The following FCRL3 variants were observed in gnomAD, a reference collection of about 807,000 sequenced individuals.
FCRL3 encodes the protein Fc receptor like 3, also known as Fc receptor-like protein 3.
A neutral mutation model predicts 75.0 loss-of-function variants in FCRL3; 89 were observed. The observed-to-expected ratio is 1.19, with a 90% confidence interval of 1.00 to 1.42. The LOEUF (loss-of-function observed/expected upper bound fraction) is 1.42, where lower values mean the gene tolerates loss of function less well. FCRL3 is among the 40% of genes most tolerant of loss of function. The probability of loss-of-function intolerance (pLI) is 0.00; values close to 1 mark genes in which losing one functional copy is unlikely to be tolerated. For missense variants in FCRL3, 946 were observed against 880.0 expected (o/e 1.07, Z -0.95); for synonymous variants, 376 against 348.5 (o/e 1.08, Z -0.88).
At chr1:157,687,390 G>T (rs1478754889) in intron 10 of FCRL3, among the ~76,000 whole-genome samples, 3 of 136,814 alleles carry the variant, frequency 2.2e-5, no homozygotes, top group African/African-American at 8.2e-5. Context: ...ATTTCTCAAA[G>T]AACTTATAAT....
At position 157,689,855 on chromosome 1, in the gene FCRL3, G is replaced by C; in HGVS notation, c.1753C>G (p.Leu585Val). ...AGAGCAGCAGCAGCAGCAAGGACGA[G>C]GATGCTGAGCACCAGCCCCGTGATT... ...AGITGLVLSILVLAAAAALLH... is the reference protein window; with the variant it reads ...AGITGLVLSIVVLAAAAALLH... Residue 585 changes from leucine (L) to valine (V), a missense_variant, in exon 10 of 15, where the codon CTC (leucine) becomes GTC (valine). Leu to Val is a conservative substitution (Grantham distance 32). Transcript: ENST00000368184. 1 of 1,614,200 alleles carries C rather than the reference G, an allele frequency of 6.2e-7. No homozygotes were observed. Among genetic ancestry groups the C allele is most frequent in the Non-Finnish European group, 8.5e-7 (1 of 1,180,028 alleles).
chr1:157,688,909 A>T (rs1411868726), intron 10 of FCRL3, among the ~76,000 whole-genome samples: 1 of 152,052 alleles, frequency 6.6e-6, no homozygotes, highest in African/African-American at 2.4e-5. Flanking sequence ...TCAATAGACT[A>T]AAAAAAATCT....
At chr1:157,681,846 T>G (rs1409151442) in intron 11 of FCRL3, among the ~76,000 whole-genome samples, 6 of 151,994 alleles carry the variant, frequency 3.9e-5, no homozygotes, top group African/African-American at 9.7e-5. Context: ...TGAACTAGTT[T>G]ACAGTCCCAC....
At chr1:157,679,703 C>T (rs1475294289) in intron 13 of FCRL3, among the ~76,000 whole-genome samples, 2 of 151,506 alleles carry the variant, frequency 1.3e-5, no homozygotes, top group Non-Finnish European at 2.9e-5. Flanking sequence ...GTGATGCATG[C>T]CTGTAATCCC....
Position 157,678,120 on chromosome 1 carries a change from A to T in FCRL3, c.*590T>A. 2 of 986,042 alleles carry T rather than the reference A, an allele frequency of 2.0e-6. No homozygotes were observed. The highest frequency in any genetic ancestry group is 2.4e-6 in the Non-Finnish European group (2 of 830,416). 61.1% of individuals were successfully genotyped at this position (986,042 alleles called of 1,614,324 possible). ...TAGCAGAGTCTTTAATGAAATGCTG[A>T]AGTTATTTTTCATCATAACTAGGGT... On this transcript the variant is annotated 3_prime_UTR_variant, in exon 15 of 15. Coordinates refer to ENST00000368184, the MANE Select transcript of FCRL3 (RefSeq NM_052939.4).
Position 157,681,053 on chromosome 1 carries a change from T to C in FCRL3, c.1885A>G (p.Arg629Gly). The stretch of plus-strand genomic sequence containing the variant: ...TGAGTGGGCTCTTGAGGGTCTATCC[T>C]GGAAGGCCTGGACGAGGAAGGCTCC... ...CQEPSSSRPS[R>G]IDPQEPTHSK... Residue 629 changes from arginine to glycine, a missense_variant, in exon 12 of 15, where the codon AGG (arginine) becomes GGG (glycine). Transcript: ENST00000368184. 1 of 1,604,054 alleles carries C rather than the reference T, an allele frequency of 6.2e-7. No individual in the cohort carries two copies. Among genetic ancestry groups the C allele is most frequent in the Non-Finnish European group, 8.5e-7 (1 of 1,176,930 alleles).
intron 11 of FCRL3, 89 bp downstream of exon 11, chr1:157,683,128 C>A (rs1654951903): frequency 7.1e-7 from 1 of 1,410,118 alleles, no homozygotes; most frequent in Non-Finnish European, 9.7e-7. Flanking sequence ...ACTAGGAAAT[C>A]CATTGAAATT....
In FCRL3 at chr1:157,679,828, C is replaced by CAAAAAAAAAAA. The variant is rs879258382; in HGVS notation, c.2027-856_2027-855insTTTTTTTTTTT. Among the ~76,000 whole-genome samples, 158 of 27,906 alleles carry CAAAAAAAAAAA rather than the reference C, an allele frequency of 5.7e-3. 26 individuals are homozygous for CAAAAAAAAAAA. The highest frequency in any genetic ancestry group is 0.011 in the Non-Finnish European group (118 of 11,042). 18.3% of individuals were successfully genotyped at this position (27,906 alleles called of 152,430 possible). ...TGGGCGACAGAACGAGACCCCATCT[C>CAAAAAAAAAAA]ACAAAAAAAAAAAAAAAAAAAAAAA... On this transcript the variant is annotated intron_variant, in intron 13 of 14. Transcript: ENST00000368184.
In FCRL3 at chr1:157,678,557, AG is replaced by A. The variant is rs1163935172; in HGVS notation, c.*152del. The A allele has an allele frequency of 6.7e-6, 10 of 1,487,444 alleles. No homozygotes were observed. The highest frequency in any genetic ancestry group is 8.9e-6 in the Non-Finnish European group (10 of 1,128,130). 92.1% of individuals were successfully genotyped at this position (1,487,444 alleles called of 1,614,324 possible). On this transcript the variant is annotated 3_prime_UTR_variant, in exon 15 of 15. Transcript: ENST00000368184. ...CCTGGGGAACACACAGATCAGGCACAGGGGAGATTTGCAGACCTTTTGCTCA... is the reference window on the plus strand; with the variant it reads ...CCTGGGGAACACACAGATCAGGCACAGGGAGATTTGCAGACCTTTTGCTCA...
At chr1:157,690,558 G>C (rs375874606) in intron 8 of FCRL3, 25 bp from the exon 9 acceptor site, 2 of 1,610,934 alleles carry the variant, frequency 1.2e-6, no homozygotes, top group Admixed American at 3.4e-5. Flanking sequence ...ATAGTTCACT[G>C]GCAGTTTTAC....
intron 8 of FCRL3, among the ~76,000 whole-genome samples, chr1:157,694,320 C>T (rs1057312002): frequency 3.3e-5 from 5 of 152,114 alleles, no homozygotes; most frequent in South Asian, 4.1e-4. Context: ...TTTTCTTGTT[C>T]AAGACTCGAG....
At chr1:157,696,537 G>A in intron 6 of FCRL3, 2 of 568,028 alleles carry the variant, frequency 3.5e-6, no homozygotes, top group East Asian at 2.8e-5. Context: ...AGAAATGTGG[G>A]CACCAAGTCC....
intron 8 of FCRL3, among the ~76,000 whole-genome samples, chr1:157,692,925 T>A (rs1265165964): frequency 6.6e-6 from 1 of 152,164 alleles, no homozygotes; most frequent in Non-Finnish European, 1.5e-5. Context: ...TCTGCACCTT[T>A]AAAAATCCAT....
At chr1:157,688,397 C>T (rs968168761) in intron 10 of FCRL3, among the ~76,000 whole-genome samples, 1 of 152,070 alleles carries the variant, frequency 6.6e-6, no homozygotes, top group Non-Finnish European at 1.5e-5. Context: ...ATTCTTAACA[C>T]TTATCCACCT....
rs1430279614 is a variant in FCRL3 at position 157,697,237 on chromosome 1, G to C, written c.747C>G (p.Ala249=). Residue 249 remains alanine (A), a synonymous_variant, in exon 6 of 15, where the codon GCC becomes GCG. Transcript: ENST00000368184. Reference sequence around the variant, plus strand: ...AAGACCCTGAGTCTTCAGTCCACATGGCAGGGATCTGGAGTCTGGGGGACC... The same window carrying C: ...AAGACCCTGAGTCTTCAGTCCACATCGCAGGGATCTGGAGTCTGGGGGACC... ...WSRSPRLQIP[A]MWTEDSGSYW... 5 of 1,607,302 alleles carry C rather than the reference G, an allele frequency of 3.1e-6. No individual in the cohort carries two copies. The East Asian group carries it at 8.9e-5, about 29-fold the overall frequency.
intron 11 of FCRL3, 78 bp from the exon 12 acceptor site, chr1:157,681,177 A>T: frequency 4.5e-6 from 4 of 897,306 alleles, no homozygotes; most frequent in Non-Finnish European, 6.4e-6. Flanking sequence ...ATATTCTGGA[A>T]GTCCTCCAGT....
In FCRL3 at chr1:157,680,982, AT is replaced by A; in HGVS notation, c.1955del (p.Asn652MetfsTer2). 2 of 1,579,016 alleles carry A rather than the reference AT, an allele frequency of 1.3e-6. No individual in the cohort carries two copies. Among genetic ancestry groups the A allele is most frequent in the South Asian group, 2.4e-5 (2 of 83,414 alleles). ...APMELEPMYS[N>X]VNPGDSNPIY... ...TTCTGCCCCCTAGGGAGTCCTCACCATTGCTGTACATTGGCTCCAGCTCCAT... is the reference window on the plus strand; with the variant it reads ...TTCTGCCCCCTAGGGAGTCCTCACCATGCTGTACATTGGCTCCAGCTCCAT... On this transcript the variant is annotated frameshift_variant and splice_region_variant, in exon 12 of 15. Coordinates refer to ENST00000368184, the MANE Select transcript of FCRL3 (RefSeq NM_052939.4). LOFTEE classifies it high-confidence loss of function.
Position 157,679,828 on chromosome 1 carries a change from C to CAAAAAAAAAAAAAAA in FCRL3, c.2027-856_2027-855insTTTTTTTTTTTTTTT, listed in dbSNP as rs879258382. Among the ~76,000 whole-genome samples the CAAAAAAAAAAAAAAA allele has an allele frequency of 6.0e-3, 168 of 27,910 alleles. 28 individuals carry two copies. Among genetic ancestry groups the CAAAAAAAAAAAAAAA allele is most frequent in the South Asian group, 0.011 (3 of 264 alleles). 18.3% of individuals were successfully genotyped at this position (27,910 alleles called of 152,430 possible). A position where few individuals can be genotyped will look rare whatever the true frequency, so the allele number is the denominator to read the frequency against. On this transcript the variant is annotated intron_variant, in intron 13 of 14. Transcript: ENST00000368184. ...TGGGCGACAGAACGAGACCCCATCT[C>CAAAAAAAAAAAAAAA]ACAAAAAAAAAAAAAAAAAAAAAAA...
chr1:157,700,707 T>G lies in FCRL3; in HGVS notation c.-142A>C. 7.0e-7 allele frequency: 1 copy of G among 1,428,588 alleles called. No homozygotes were observed. 88.5% of individuals were successfully genotyped at this position (1,428,588 alleles called of 1,614,324 possible). A position where few individuals can be genotyped will look rare whatever the true frequency, so the allele number is the denominator to read the frequency against. On this transcript the variant is annotated 5_prime_UTR_variant, in exon 1 of 15. The change abolishes the stop of an existing upstream ORF in the 5' untranslated region. Transcript: ENST00000368184. The stretch of plus-strand genomic sequence containing the variant: ...TCTCAATCCCGGTAGTGATACATTT[T>G]TAGAAGTTGGGGCTCATCTTCCATC...
Sources: gnomAD v4.1 joint callset for allele counts (sites outside exome capture counted in the v4.1 genomes callset) on GRCh38, gnomAD v4.1.1 for gene constraint, MANE v1.5 for transcripts, NCBI Gene and HGNC (gene_info 2026-07-23, HGNC 2026-07-21) for gene names.